The following SGPP1 variants were observed in gnomAD, a reference collection of about 807,000 sequenced individuals.
SGPP1 encodes the protein sphingosine-1-phosphate phosphatase 1.
In SGPP1, 21 loss-of-function variants were observed where a neutral mutation model predicts 33.0. The observed-to-expected ratio is 0.64, with a 90% CI of 0.45 to 0.92. The LOEUF is 0.92. Ranked by LOEUF, SGPP1 falls within the 40% of genes least tolerant of loss-of-function variation. The pLI, the probability that SGPP1 is intolerant of heterozygous loss-of-function variation, is 0.00. For synonymous variants in SGPP1, 239 were observed against 241.2 expected, an observed-to-expected ratio of 0.99 and a Z score of 0.08; for missense variants, 543 against 589.4, an observed-to-expected ratio of 0.92 and a Z score of 0.81.
chr14:63,699,115 A>T (rs1885246659), intron 1 of SGPP1, among the ~76,000 whole-genome samples: 2 of 152,350 alleles, frequency 1.3e-5, no homozygotes, highest in Admixed American at 1.3e-4. Context: ...TCTCCAATTT[A>T]TATTGCTATT....
At chr14:63,715,026 C>CTTTTT (rs1164699481) in intron 1 of SGPP1, among the ~76,000 whole-genome samples, 1 of 132,714 alleles carries the variant, frequency 7.5e-6, no homozygotes, top group Non-Finnish European at 1.6e-5. Flanking sequence ...CCCAGCCGAC[C>CTTTTT]TTTTTTTTTT....
At position 63,725,948 on chromosome 14, in the gene SGPP1, G is replaced by C. The variant is rs570496864; in HGVS notation, c.684+1313C>G. ...AATATTTAGATTAAATGAAAACTTC[G>C]AGATATTTATCTGTTACGCAAAACA... is the stretch of plus-strand genomic sequence containing the variant. On this transcript the variant is annotated intron_variant, in intron 1 of 2. Coordinates refer to ENST00000247225, the MANE Select transcript of SGPP1 (RefSeq NM_030791.4). Among the ~76,000 whole-genome samples the C allele has an allele frequency of 9.2e-5, 14 of 152,188 alleles. No individual in the cohort carries two copies. The South Asian group carries it at 2.7e-3, about 29-fold the overall frequency.
rs1884959332 is a variant in SGPP1, at chr14:63,685,804, C to T, written c.*301G>A. 1.3e-5 allele frequency: 2 copies of T among 150,470 alleles called. No individual in the cohort carries two copies. Among genetic ancestry groups the T allele is most frequent in the African/African-American group, 4.9e-5 (2 of 40,774 alleles). 9.3% of individuals were successfully genotyped at this position (150,470 alleles called of 1,614,324 possible). ...ATAATATATATCAGATATATAATTGCATATTATGTACCTTATATATATTAT... is the reference window on the plus strand; with the variant it reads ...ATAATATATATCAGATATATAATTGTATATTATGTACCTTATATATATTAT... On this transcript the variant is annotated 3_prime_UTR_variant, in exon 3 of 3. Coordinates refer to ENST00000247225, the MANE Select transcript of SGPP1 (RefSeq NM_030791.4).
intron 1 of SGPP1, among the ~76,000 whole-genome samples, chr14:63,714,389 T>C (rs1367488536): frequency 1.3e-5 from 2 of 152,106 alleles, no homozygotes; most frequent in Non-Finnish European, 2.9e-5. Flanking sequence ...GTGATAAATG[T>C]TTGTACTTCA....
intron 1 of SGPP1, among the ~76,000 whole-genome samples, chr14:63,725,502 G>T (rs747817209): frequency 3.3e-5 from 5 of 152,180 alleles, no homozygotes; most frequent in Admixed American, 2.0e-4. Context: ...TCTGTAAAAT[G>T]ACAGTTTGAA....
At chr14:63,701,948 T>C in intron 1 of SGPP1, among the ~76,000 whole-genome samples, 2 of 107,394 alleles carry the variant, frequency 1.9e-5, no homozygotes, top group East Asian at 2.8e-4. Context: ...CCAAAAGAAG[T>C]AAAAAAAAAA....
intron 1 of SGPP1, among the ~76,000 whole-genome samples, chr14:63,705,669 A>T (rs1029757170): frequency 9.9e-5 from 15 of 152,122 alleles, no homozygotes; most frequent in African/African-American, 3.6e-4. Context: ...CCCTGTCTCA[A>T]AAAATGGGAA....
intron 1 of SGPP1, among the ~76,000 whole-genome samples, chr14:63,705,794 AGT>A (rs1400206887): frequency 6.6e-6 from 1 of 152,242 alleles, no homozygotes; most frequent in Non-Finnish European, 1.5e-5. Flanking sequence ...AGTATTGGTG[AGT>A]ATGTGGGGAA....
intron 1 of SGPP1, among the ~76,000 whole-genome samples, chr14:63,709,374 C>CAAAA (rs1206188352): frequency 1.1e-5 from 1 of 87,068 alleles, no homozygotes; most frequent in Non-Finnish European, 2.4e-5. Context: ...GTCTCTGTCT[C>CAAAA]AAAAAAAAAA....
intron 1 of SGPP1, among the ~76,000 whole-genome samples, chr14:63,726,005 GTA>G (rs1885870126): frequency 6.6e-6 from 1 of 152,108 alleles, no homozygotes; most frequent in African/African-American, 2.4e-5. Flanking sequence ...GAACATCACC[GTA>G]TAGCTCCTTT....
At chr14:63,692,986 G>C (rs1049921876) in intron 2 of SGPP1, among the ~76,000 whole-genome samples, 1 of 152,132 alleles carries the variant, frequency 6.6e-6, no homozygotes, top group Non-Finnish European at 1.5e-5. Context: ...CCATGGCCTA[G>C]GCTGGAGGGG....
intron 2 of SGPP1, among the ~76,000 whole-genome samples, chr14:63,689,793 T>C (rs1595060994): frequency 6.8e-6 from 1 of 148,046 alleles, no homozygotes; most frequent in African/African-American, 2.5e-5. Flanking sequence ...CAAGACTCTG[T>C]CTCAAAAAAA....
intron 1 of SGPP1, among the ~76,000 whole-genome samples, chr14:63,711,159 G>A (rs1484646922): frequency 2.6e-5 from 4 of 151,822 alleles, no homozygotes; most frequent in African/African-American, 4.8e-5. Flanking sequence ...GATTACAGGC[G>A]TCCACCACCA....
At position 63,686,507 on chromosome 14, in the gene SGPP1, A is replaced by T. The variant is rs1410179520; in HGVS notation, c.924T>A (p.Thr308=). The T allele has an allele frequency of 1.9e-6, 3 of 1,613,978 alleles. No homozygotes were observed. The highest frequency in any genetic ancestry group is 2.5e-6 in the Non-Finnish European group (3 of 1,180,020). Residue 308 remains threonine, a synonymous_variant, in exon 3 of 3, where the codon ACT becomes ACA. Transcript: ENST00000247225. ...CTCGGGATGTGCTCCAGGTGTCAAG[A>T]GTGAAAGAAAAGATCCCCAAAGCTA... ...LHLALGIFSF[T]LDTWSTSRGD...
chr14:63,691,945 CAAAA>C (rs1387739154), intron 2 of SGPP1, among the ~76,000 whole-genome samples: 8 of 149,126 alleles, frequency 5.4e-5, no homozygotes, highest in Admixed American at 4.0e-4. Context: ...AAATAAAAAA[CAAAA>C]AGAGAAAGAA....
intron 1 of SGPP1, among the ~76,000 whole-genome samples, chr14:63,715,970 C>T (rs984298479): frequency 6.6e-6 from 1 of 152,062 alleles, no homozygotes; most frequent in Non-Finnish European, 1.5e-5. Flanking sequence ...CCTTAACCTA[C>T]GATTATTCTG....
intron 2 of SGPP1, 63 bp from the exon 3 acceptor site, chr14:63,686,719 T>G: frequency 8.5e-7 from 1 of 1,169,616 alleles, no homozygotes; most frequent in Non-Finnish European, 1.2e-6. Context: ...ATTTAAAAAA[T>G]AATTTATATT....
chr14:63,699,572 T>TG, intron 1 of SGPP1, among the ~76,000 whole-genome samples: 1 of 152,254 alleles, frequency 6.6e-6, no homozygotes, highest in Non-Finnish European at 1.5e-5. Flanking sequence ...TGTTTTGTTC[T>TG]GTTTTTTTAG....
intron 1 of SGPP1, among the ~76,000 whole-genome samples, chr14:63,723,001 CCTT>C (rs1885806333): frequency 6.6e-6 from 1 of 150,406 alleles, no homozygotes; most frequent in Non-Finnish European, 1.5e-5. Context: ...TAATCTAAAA[CCTT>C]CTAATTAAAT....
Sources: allele counts gnomAD v4.1 joint callset (sites outside exome capture counted in the v4.1 genomes callset), GRCh38; gene constraint gnomAD v4.1.1; transcripts MANE v1.5; gene names NCBI Gene and HGNC (gene_info 2026-07-23, HGNC 2026-07-21).